SYT7: variants seen among roughly 807,000 people sequenced by gnomAD.
SYT7 encodes synaptotagmin 7.
In SYT7, 29 loss-of-function variants were observed where a neutral mutation model predicts 75.1. The ratio of observed to expected loss-of-function variants is 0.39; its 90% CI spans 0.29 to 0.53. The LOEUF is 0.53. Ranked by LOEUF, SYT7 falls within the 20% of genes least tolerant of loss-of-function variation. The pLI is 0.77. For synonymous variants in SYT7, 376 were observed against 401.7 expected (o/e 0.94, Z 0.76); for missense variants, 693 against 953.2 (o/e 0.73, Z 3.59).
intron 7 of SYT7, chr11:61,533,829 G>T: frequency 4.6e-6 from 1 of 215,840 alleles, no homozygotes; most frequent in Non-Finnish European, 7.9e-6. Flanking sequence ...TAGTTTAATG[G>T]CCCCATATTG....
At chr11:61,555,460 C>T (rs1304399851) in intron 2 of SYT7, among the ~76,000 whole-genome samples, 1 of 152,148 alleles carries the variant, frequency 6.6e-6, no homozygotes, top group South Asian at 2.1e-4. Flanking sequence ...CGGCTCAGCC[C>T]CGCTCCCCCT....
chr11:61,530,549 G>T (rs1035441879), intron 8 of SYT7, among the ~76,000 whole-genome samples: 1 of 152,138 alleles, frequency 6.6e-6, no homozygotes, highest in African/African-American at 2.4e-5. Flanking sequence ...CCCGCGACCT[G>T]ACCCACTGGC....
chr11:61,570,734 C>A (rs992849555), intron 1 of SYT7, among the ~76,000 whole-genome samples: 2 of 152,180 alleles, frequency 1.3e-5, no homozygotes, highest in Admixed American at 6.5e-5. Flanking sequence ...GGACTGCAAT[C>A]CATGAGGTCC....
rs1168980271 is a variant in SYT7 at position 61,540,757 on chromosome 11, G to A, written c.941+1454C>T. 3.0e-6 allele frequency: 3 copies of A among 985,428 alleles called. No individual in the cohort carries two copies. In the East Asian group the frequency reaches 3.4e-4, roughly 112 times the overall value. 61.0% of individuals were successfully genotyped at this position (985,428 alleles called of 1,614,324 possible). ...GACAGTCTGAGGTGGGGAGGAGCAA[G>A]GACGTGCAGGGGCCCAGCAGGCTCT... On this transcript the variant is annotated intron_variant, in intron 6 of 12. Transcript: ENST00000539008.
intron 6 of SYT7, among the ~76,000 whole-genome samples, chr11:61,541,700 CAGGG>C (rs1345502410): frequency 3.7e-5 from 4 of 106,812 alleles, no homozygotes; most frequent in African/African-American, 1.5e-4. Context: ...GTGGCAGGGA[CAGGG>C]ATAGAGGAAG....
At chr11:61,555,203 C>T (rs2063460993) in intron 2 of SYT7, among the ~76,000 whole-genome samples, 1 of 152,242 alleles carries the variant, frequency 6.6e-6, no homozygotes, top group African/African-American at 2.4e-5. Context: ...CCCACTCCCA[C>T]CATTCTCGGC....
chr11:61,555,163 G>T (rs2063459783), intron 2 of SYT7, among the ~76,000 whole-genome samples: 1 of 152,228 alleles, frequency 6.6e-6, no homozygotes, highest in African/African-American at 2.4e-5. Flanking sequence ...CGCAGGAAGA[G>T]AATGGGGTTC....
In SYT7 at chr11:61,580,858, G is replaced by A; in HGVS notation, c.-38C>T. 1 of 1,185,984 alleles carries A rather than the reference G, an allele frequency of 8.4e-7. No homozygotes were observed. Among genetic ancestry groups the A allele is most frequent in the Non-Finnish European group, 1.0e-6 (1 of 959,308 alleles). The allele number at this position is 1,185,984 out of a possible 1,614,324, so 73.5% of individuals were successfully genotyped here. ...GCCGGTTCCCTCCGGGCTCCTCAGA[G>A]CCGCCCGCGGCCGCGCGCTGCTCCG... On this transcript the variant is annotated 5_prime_UTR_variant, in exon 1 of 13. Coordinates refer to ENST00000539008, the MANE Select transcript of SYT7 (RefSeq NM_001365809.2). The surrounding 1 kb of genome is among the most constrained non-coding windows in gnomAD (Gnocchi z 6.1).
Position 61,580,845 on chromosome 11 carries a change from C to T in SYT7, c.-25G>A. 6 of 1,238,498 alleles carry T rather than the reference C, an allele frequency of 4.8e-6. No individual in the cohort carries two copies. Among genetic ancestry groups the T allele is most frequent in the Non-Finnish European group, 6.1e-6 (6 of 989,140 alleles). 76.7% of individuals were successfully genotyped at this position (1,238,498 alleles called of 1,614,324 possible). On this transcript the variant is annotated 5_prime_UTR_variant, in exon 1 of 13. Coordinates refer to ENST00000539008, the MANE Select transcript of SYT7 (RefSeq NM_001365809.2). The surrounding 1 kb of genome is among the most constrained non-coding windows in gnomAD (Gnocchi z 6.1). The stretch of plus-strand genomic sequence containing the variant: ...TGGTCCCCTCGTCGCCGGTTCCCTC[C>T]GGGCTCCTCAGAGCCGCCCGCGGCC...
chr11:61,574,121 C>T (rs540748292), intron 1 of SYT7, among the ~76,000 whole-genome samples: 6 of 152,360 alleles, frequency 3.9e-5, no homozygotes, highest in Middle Eastern at 3.4e-3. Context: ...ATCCAGAACC[C>T]TCATCCCACA....
At chr11:61,547,053 T>C in intron 4 of SYT7, 124 bp downstream of exon 4, 1 of 1,192,106 alleles carries the variant, frequency 8.4e-7, no homozygotes, top group Non-Finnish European at 1.1e-6. Flanking sequence ...GTGGGGAAGT[T>C]GGGGGACAGG....
chr11:61,539,537 C>T (rs1336325591), intron 6 of SYT7: 1 of 152,048 alleles, frequency 6.6e-6, no homozygotes, highest in Non-Finnish European at 1.5e-5. Context: ...CAGGAAAGCT[C>T]GTCTCAAGAA....
chr11:61,550,449 G>A (rs2063317211), intron 3 of SYT7, among the ~76,000 whole-genome samples: 1 of 152,174 alleles, frequency 6.6e-6, no homozygotes, highest in African/African-American at 2.4e-5. Context: ...GAGGGCAGGG[G>A]GAGGGTGGCT....
At chr11:61,522,944 G>A (rs1936265354) in intron 12 of SYT7, 131 bp downstream of exon 12, 1 of 884,720 alleles carries the variant, frequency 1.1e-6, no homozygotes, top group Non-Finnish European at 1.8e-6. Flanking sequence ...AGAGGCCTGA[G>A]AGGAGAGGAG....
intron 6 of SYT7, chr11:61,540,421 T>C (rs2063007915): frequency 1.2e-6 from 1 of 812,908 alleles, no homozygotes; most frequent in South Asian, 5.7e-5. Flanking sequence ...TAGAGGGTTG[T>C]TTTAAAGAAA....
chr11:61,547,420 G>A (rs2063222890), intron 3 of SYT7, 112 bp from the exon 4 acceptor site: 1 of 1,292,184 alleles, frequency 7.7e-7, no homozygotes, highest in Non-Finnish European at 1.0e-6. Context: ...CACACAGTGG[G>A]CGGGGCTTCG....
Position 61,532,983 on chromosome 11 carries a change from T to C in SYT7, c.1200+6A>G, listed in dbSNP as rs1185288403. On this transcript the variant is annotated splice_donor_region_variant and intron_variant, in intron 8 of 12. Transcript: ENST00000539008. ...CTTGGAGCAGCGCAGGCTCCCTCAT[T>C]CTCACCATGAGCATCTCGCTGGTGA... 2 of 1,612,884 alleles carry C rather than the reference T, an allele frequency of 1.2e-6. No individual in the cohort carries two copies.
At position 61,546,165 on chromosome 11, in the gene SYT7, C is replaced by T. The variant is rs1416681456; in HGVS notation, c.438G>A (p.Val146=). 2 of 1,524,626 alleles carry T rather than the reference C, an allele frequency of 1.3e-6. No homozygotes were observed. Among genetic ancestry groups the T allele is most frequent in the Admixed American group, 4.0e-5 (2 of 50,230 alleles). 94.4% of individuals were successfully genotyped at this position (1,524,626 alleles called of 1,614,324 possible). A position where few individuals can be genotyped will look rare whatever the true frequency, so the allele number is the denominator to read the frequency against. The change falls in exon 5 of 13, where the codon GTG becomes GTA. Residue 146 remains valine (V), a synonymous_variant. Coordinates refer to ENST00000539008, the MANE Select transcript of SYT7 (RefSeq NM_001365809.2). The surrounding 1 kb of genome is among the most constrained non-coding windows in gnomAD (Gnocchi z 7.6). ...TCAAGGCGTCCTCTCCGGGTGGCGGCACCGGTGCCGGCTTCTCCCCCAGCC... is the reference window on the plus strand; with the variant it reads ...TCAAGGCGTCCTCTCCGGGTGGCGGTACCGGTGCCGGCTTCTCCCCCAGCC... The part of the protein sequence containing the change: ...EGRLGEKPAP[V]PPPGEDALRS...
intron 2 of SYT7, among the ~76,000 whole-genome samples, chr11:61,554,449 GACAC>G (rs942736616): frequency 4.0e-5 from 6 of 151,370 alleles, no homozygotes; most frequent in Admixed American, 3.9e-4. Context: ...CAGACAGACA[GACAC>G]ACACACACAG....
Sources: allele counts gnomAD v4.1 joint callset (sites outside exome capture counted in the v4.1 genomes callset), GRCh38; gene constraint gnomAD v4.1.1; non-coding constraint Gnocchi (gnomAD v3.1); transcripts MANE v1.5; gene names NCBI Gene and HGNC (gene_info 2026-07-23, HGNC 2026-07-21).